RNF157: variants seen among roughly 807,000 people sequenced by gnomAD.
RNF157 encodes the protein E3 ubiquitin ligase RNF157.
RNF157 carries 55 observed loss-of-function variants against 88.3 expected under a neutral mutation model. That is an observed-to-expected ratio of 0.62 (90% CI 0.50 to 0.78). The LOEUF (loss-of-function observed/expected upper bound fraction) is 0.78, where lower values mean the gene tolerates loss of function less well. Among genes scored for constraint, RNF157 ranks in the 30% least tolerant of loss-of-function variants. The probability of loss-of-function intolerance (pLI) is 0.00; values close to 1 mark genes in which losing one functional copy is unlikely to be tolerated. For missense variants in RNF157, 788 were observed against 860.8 expected (o/e 0.92, Z 1.06); for synonymous variants, 334 against 341.2 (o/e 0.98, Z 0.23).
intron 1 of RNF157, among the ~76,000 whole-genome samples, chr17:76,233,086 A>G (rs1002142475): frequency 2.0e-5 from 3 of 151,962 alleles, no homozygotes; most frequent in African/African-American, 4.8e-5. Context: ...ACGCCCAGCT[A>G]ATTTTTTGTA....
At chr17:76,226,765 C>T (rs1271854099) in intron 1 of RNF157, 4 of 1,583,518 alleles carry the variant, frequency 2.5e-6, no homozygotes, top group Non-Finnish European at 3.4e-6. Context: ...ACATCAAGTC[C>T]CCCACCAACA....
intron 2 of RNF157, among the ~76,000 whole-genome samples, chr17:76,201,975 G>A (rs774043015): frequency 2.0e-5 from 3 of 151,654 alleles, no homozygotes; most frequent in Non-Finnish European, 4.4e-5. Flanking sequence ...TGAAACAGTT[G>A]GGCCAAAGGG....
chr17:76,159,459 G>A lies in RNF157; in HGVS notation c.1180C>T (p.Leu394Phe). The A allele has an allele frequency of 6.2e-7, 1 of 1,611,986 alleles. No homozygotes were observed. The highest frequency in any genetic ancestry group is 2.2e-5 in the East Asian group (1 of 44,792). ...PPLHVLGDGH[L>F]SGMLPSYGSD... ...CCATATGAAGGGAGCATTCCTGAGAGGTGGCCATCTCCAAGCACGTGAAGT... is the reference window on the plus strand; with the variant it reads ...CCATATGAAGGGAGCATTCCTGAGAAGTGGCCATCTCCAAGCACGTGAAGT... Residue 394 changes from leucine (L) to phenylalanine (F), a missense_variant, in exon 12 of 19, where the codon CTC becomes TTC. By Grantham distance (22) the Leu-to-Phe change is conservative. Coordinates refer to ENST00000269391, the MANE Select transcript of RNF157 (RefSeq NM_052916.3).
chr17:76,178,070 T>G (rs1049848804), intron 2 of RNF157, among the ~76,000 whole-genome samples: 9 of 152,240 alleles, frequency 5.9e-5, no homozygotes, highest in Admixed American at 3.9e-4. Flanking sequence ...TCTTCCTTGT[T>G]GCAGGACAAG....
rs2068851277 is a variant in RNF157, at chr17:76,161,881, A to C, written c.914T>G (p.Leu305Arg). ...LCLCNTCADT[L>R]RYQANNCPIC... ...GGGGCAGTTGTTGGCCTGGTAGCGC[A>C]GCGTGTCTGCACAGGTGTTACAGAG... Residue 305 changes from leucine (L) to arginine (R), a missense_variant, in exon 10 of 19, where the codon CTG becomes CGG. Physicochemically the swap from Leu to Arg is moderately radical, Grantham distance 102. Coordinates refer to ENST00000269391, the MANE Select transcript of RNF157 (RefSeq NM_052916.3). The surrounding 1 kb of genome is among the most constrained non-coding windows in gnomAD (Gnocchi z 4.6). The C allele has an allele frequency of 6.2e-7, 1 of 1,614,216 alleles. No homozygotes were observed. Among genetic ancestry groups the C allele is most frequent in the Non-Finnish European group, 8.5e-7 (1 of 1,180,036 alleles).
rs1416172839 is a variant in RNF157 at position 76,240,335 on chromosome 17, G to A, written c.-95C>T. The A allele has an allele frequency of 1.5e-5, 7 of 468,200 alleles. No homozygotes were observed. The highest frequency in any genetic ancestry group is 1.9e-5 in the Non-Finnish European group (7 of 360,632). The allele number at this position is 468,200 out of a possible 1,614,324, so 29.0% of individuals were successfully genotyped here. A position where few individuals can be genotyped will look rare whatever the true frequency, so the allele number is the denominator to read the frequency against. On this transcript the variant is annotated 5_prime_UTR_variant, in exon 1 of 19. Transcript: ENST00000269391. The surrounding 1 kb of genome is among the most constrained non-coding windows in gnomAD (Gnocchi z 4.4). ...CCGCCCCGCGCCCGGTGCGGGGGCC[G>A]ACTGCCCGCCGCGGCCGGCTCCGCT... is the stretch of plus-strand genomic sequence containing the variant.
chr17:76,186,944 TA>T (rs2069301709), intron 2 of RNF157, among the ~76,000 whole-genome samples: 1 of 111,348 alleles, frequency 9.0e-6, no homozygotes, highest in South Asian at 2.7e-4. Context: ...CGACTCAAAA[TA>T]AATAAATAAA....
rs576711139 is a variant in RNF157 at position 76,157,688 on chromosome 17, T to C, written c.1413+705A>G. Among the ~76,000 whole-genome samples, 7 of 152,318 alleles carry C rather than the reference T, an allele frequency of 4.6e-5. No individual in the cohort carries two copies. Among genetic ancestry groups the C allele is most frequent in the African/African-American group, 1.7e-4 (7 of 41,568 alleles). On this transcript the variant is annotated intron_variant, in intron 13 of 18. Transcript: ENST00000269391. This position sits in a 1 kb window ranked among gnomAD's most constrained non-coding sequence, Gnocchi z 5.6. ...GCCAGGCACATGCTATTCCCATGTA[T>C]ATGTCCTGTCCCAGCCAGACCTGAG...
At position 76,173,714 on chromosome 17, in the gene RNF157, A is replaced by G. The variant is rs749500589; in HGVS notation, c.284T>C (p.Leu95Pro). The change falls in exon 3 of 19, where the codon CTG becomes CCG. Residue 95 changes from leucine to proline, a missense_variant. By Grantham distance (98) the Leu-to-Pro change is moderately conservative. Coordinates refer to ENST00000269391, the MANE Select transcript of RNF157 (RefSeq NM_052916.3). ...RSLVNIRKDT[L>P]RLVKCAEEVK... ...TCTGGGAACTTACTTGACGAGCCTCAGTGTGTCCTTTCGGATATTGACCAG... is the reference window on the plus strand; with the variant it reads ...TCTGGGAACTTACTTGACGAGCCTCGGTGTGTCCTTTCGGATATTGACCAG... The G allele has an allele frequency of 6.2e-7, 1 of 1,608,518 alleles. No individual in the cohort carries two copies.
rs754295832 is a variant in RNF157 at position 76,166,548 on chromosome 17, A to AG, written c.562-22dup. On this transcript the variant is annotated intron_variant, in intron 5 of 18. Coordinates refer to ENST00000269391, the MANE Select transcript of RNF157 (RefSeq NM_052916.3). The stretch of plus-strand genomic sequence containing the variant: ...CCAAGCTGAAGGGAAAGAAAAGGAA[A>AG]GGAAAAAAAAAGAGGACTTAACACA... The AG allele has an allele frequency of 2.4e-5, 38 of 1,607,230 alleles. 1 individual carries two copies. In the Admixed American group the frequency reaches 6.3e-4, roughly 27 times the overall value.
intron 2 of RNF157, among the ~76,000 whole-genome samples, chr17:76,193,995 C>G (rs926142445): frequency 2.0e-5 from 3 of 152,278 alleles, no homozygotes; most frequent in East Asian, 1.9e-4. Context: ...ACATGGGAAC[C>G]AGGCCACAGA....
At chr17:76,216,636 T>C (rs2069893639) in intron 1 of RNF157, among the ~76,000 whole-genome samples, 1 of 151,622 alleles carries the variant, frequency 6.6e-6, no homozygotes, top group Non-Finnish European at 1.5e-5. Context: ...GTCAGTAGAG[T>C]ATTATGAAGC....
Position 76,232,180 on chromosome 17 carries a change from C to T in RNF157, c.88+7973G>A, listed in dbSNP as rs541944249. Among the ~76,000 whole-genome samples the T allele has an allele frequency of 1.8e-3, 271 of 152,140 alleles. 1 individual carries two copies. The highest frequency in any genetic ancestry group is 6.2e-3 in the African/African-American group (257 of 41,500). ...GAAGGATGGCTCAAGACTAGGAGTT[C>T]GAGACCAGCCAGGGCAACGTAGTGG... On this transcript the variant is annotated intron_variant, in intron 1 of 18. Coordinates refer to ENST00000269391, the MANE Select transcript of RNF157 (RefSeq NM_052916.3).
chr17:76,167,528 C>T, intron 4 of RNF157, 123 bp downstream of exon 4: 1 of 1,384,496 alleles, frequency 7.2e-7, no homozygotes, highest in Non-Finnish European at 1.0e-6. Flanking sequence ...TGGACTCTCC[C>T]TATCTGGGAA....
chr17:76,230,877 AG>A (rs2070178602), intron 1 of RNF157, among the ~76,000 whole-genome samples: 1 of 111,242 alleles, frequency 9.0e-6, no homozygotes, highest in African/African-American at 4.6e-5. Flanking sequence ...AGAGAGAGAG[AG>A]AAAGAGAAAG....
intron 3 of RNF157, among the ~76,000 whole-genome samples, chr17:76,172,660 A>G (rs567860710): frequency 6.9e-4 from 104 of 149,792 alleles, no homozygotes; most frequent in Admixed American, 1.3e-3. Context: ...AAATATATAT[A>G]TATATATATC....
At position 76,240,208 on chromosome 17, in the gene RNF157, G is replaced by A. The variant is rs763923581; in HGVS notation, c.33C>T (p.Gly11=). 53 of 1,403,492 alleles carry A rather than the reference G, an allele frequency of 3.8e-5. No individual in the cohort carries two copies. The highest frequency in any genetic ancestry group is 6.8e-5 in the Admixed American group (3 of 44,020). The allele number at this position is 1,403,492 out of a possible 1,614,324, so 86.9% of individuals were successfully genotyped here. Residue 11 remains glycine (G), a synonymous_variant, in exon 1 of 19, where the codon GGC becomes GGT. Coordinates refer to ENST00000269391, the MANE Select transcript of RNF157 (RefSeq NM_052916.3). The surrounding 1 kb of genome is among the most constrained non-coding windows in gnomAD (Gnocchi z 4.4). ...TAGACGGGATGTCCACCTCCTCCAC[G>A]CCCGCGTGCTGCCGGCTCGTCAGGG... MGALTSRQHA[G]VEEVDIPSNS... is the part of the protein sequence containing the mutation.
At chr17:76,169,899 A>G (rs982850668) in intron 3 of RNF157, among the ~76,000 whole-genome samples, 6 of 152,124 alleles carry the variant, frequency 3.9e-5, no homozygotes, top group Non-Finnish European at 8.8e-5. Flanking sequence ...TTGTTTTAAA[A>G]TGTTGGTTTG....
intron 16 of RNF157, 108 bp downstream of exon 16, chr17:76,155,144 G>T (rs73345592): frequency 1.1e-6 from 1 of 905,848 alleles, no homozygotes; most frequent in Non-Finnish European, 1.8e-6. Context: ...CCCTAGGAAG[G>T]CTTCGTCAGC....
Sources: allele counts gnomAD v4.1 joint callset (sites outside exome capture counted in the v4.1 genomes callset), GRCh38; gene constraint gnomAD v4.1.1; non-coding constraint Gnocchi (gnomAD v3.1); transcripts MANE v1.5; gene names NCBI Gene and HGNC (gene_info 2026-07-23, HGNC 2026-07-21).